MGAM2: variants seen among roughly 807,000 people sequenced by gnomAD.
MGAM2 encodes maltase-glucoamylase 2 (putative).
In MGAM2, 98 loss-of-function variants were observed where a neutral mutation model predicts 96.1. That is an observed-to-expected ratio of 1.02 (90% CI 0.87 to 1.21). The LOEUF is 1.21. Ranked by LOEUF, MGAM2 falls within the 50% of genes most tolerant of loss-of-function variation. The pLI is 0.00. For missense variants in MGAM2, 2,055 were observed against 1,182.4 expected, an observed-to-expected ratio of 1.74 and a Z score of -10.82; for synonymous variants, 749 against 414.8, an observed-to-expected ratio of 1.81 and a Z score of -9.79.
intron 3 of MGAM2, among the ~76,000 whole-genome samples, chr7:142,122,403 C>T (rs761016096): frequency 2.0e-5 from 3 of 152,202 alleles, no homozygotes; most frequent in Non-Finnish European, 4.4e-5. Context: ...TTCTTTGGCA[C>T]ACATTTGTTG....
chr7:142,120,580 G>A (rs916971719), intron 3 of MGAM2, among the ~76,000 whole-genome samples, 199 bp downstream of exon 3: 17 of 152,140 alleles, frequency 1.1e-4, no homozygotes, highest in Non-Finnish European at 2.5e-4. Context: ...AGTAGGAAAA[G>A]CTAACAAGAA....
chr7:142,162,003 C>T lies in MGAM2; in HGVS notation c.2483C>T (p.Ser828Phe). ...KYILYDFSVT[S>F]NHLQAKIINN... Reference sequence around the variant, plus strand: ...ATTCTATATGATTTCTCTGTTACCTCTGTAAGTATTTTGTTTGAGGAACAC... The same window carrying T: ...ATTCTATATGATTTCTCTGTTACCTTTGTAAGTATTTTGTTTGAGGAACAC... Residue 828 changes from serine to phenylalanine, a missense_variant and splice_region_variant, in exon 23 of 48, where the codon TCT becomes TTT. Transcript: ENST00000477922. 1.4e-6 allele frequency: 1 copy of T among 690,464 alleles called. No individual in the cohort carries two copies. The highest frequency in any genetic ancestry group is 2.6e-6 in the Non-Finnish European group (1 of 380,556). 42.8% of individuals were successfully genotyped at this position (690,464 alleles called of 1,614,324 possible).
chr7:142,217,867 C>T (rs748531256), intron 46 of MGAM2, among the ~76,000 whole-genome samples: 1 of 152,128 alleles, frequency 6.6e-6, no homozygotes, highest in Non-Finnish European at 1.5e-5. Context: ...AGGAGGATCA[C>T]GTGGTCAGGG....
chr7:142,119,495 T>C (rs1037731839), intron 2 of MGAM2, among the ~76,000 whole-genome samples: 15 of 152,290 alleles, frequency 9.8e-5, no homozygotes, highest in African/African-American at 3.6e-4. Context: ...ACTTTGCCAG[T>C]TCCTCGAAAA....
intron 46 of MGAM2, among the ~76,000 whole-genome samples, chr7:142,213,601 C>A (rs1384051312): frequency 6.6e-6 from 1 of 152,148 alleles, no homozygotes; most frequent in Non-Finnish European, 1.5e-5. Context: ...TGGACACATA[C>A]ACCCTCTGAA....
intron 10 of MGAM2, among the ~76,000 whole-genome samples, chr7:142,139,595 G>C (rs988935017): frequency 6.6e-6 from 1 of 151,240 alleles, no homozygotes; most frequent in Non-Finnish European, 1.5e-5. Flanking sequence ...TGGAGGCAGA[G>C]GTTGTAGTGA....
chr7:142,158,130 T>C, intron 18 of MGAM2, 39 bp downstream of exon 18: 1 of 700,132 alleles, frequency 1.4e-6, no homozygotes, highest in Non-Finnish European at 2.6e-6. Context: ...TTTCTGATTG[T>C]AGTTTCACTT....
Position 142,136,528 on chromosome 7 carries a change from G to A in MGAM2, c.748-13G>A. The A allele has an allele frequency of 1.5e-6, 1 of 665,982 alleles. No homozygotes were observed. Among genetic ancestry groups the A allele is most frequent in the Non-Finnish European group, 2.7e-6 (1 of 370,530 alleles). The allele number at this position is 665,982 out of a possible 1,614,324, so 41.3% of individuals were successfully genotyped here. ...CACATAACACTATGACTTTTCTTCT[G>A]TTTTGCTGATAGGGCATGATTAATC... is the stretch of plus-strand genomic sequence containing the variant. On this transcript the variant is annotated splice_polypyrimidine_tract_variant and intron_variant, in intron 7 of 47. Coordinates refer to ENST00000477922, the MANE Select transcript of MGAM2 (RefSeq NM_001293626.2).
At chr7:142,138,927 C>A (rs943330963) in intron 10 of MGAM2, among the ~76,000 whole-genome samples, 1 of 152,208 alleles carries the variant, frequency 6.6e-6, no homozygotes, top group African/African-American at 2.4e-5. Flanking sequence ...ATTAACATCT[C>A]TGAGCCTTAG....
At position 142,144,845 on chromosome 7, in the gene MGAM2, T is replaced by C. The variant is rs1240158630; in HGVS notation, c.1432-16T>C. On this transcript the variant is annotated splice_polypyrimidine_tract_variant and intron_variant, in intron 13 of 47. Coordinates refer to ENST00000477922, the MANE Select transcript of MGAM2 (RefSeq NM_001293626.2). The stretch of plus-strand genomic sequence containing the variant: ...TCAATCGCATTTTACACTTTGTGTG[T>C]TTTGTGTCTTTGAAGGAAATGAATG... 7.2e-6 allele frequency: 5 copies of C among 697,730 alleles called. No homozygotes were observed. Among genetic ancestry groups the C allele is most frequent in the East Asian group, 5.4e-5 (2 of 36,776 alleles). 43.2% of individuals were successfully genotyped at this position (697,730 alleles called of 1,614,324 possible). A position where few individuals can be genotyped will look rare whatever the true frequency, so the allele number is the denominator to read the frequency against.
intron 10 of MGAM2, among the ~76,000 whole-genome samples, chr7:142,139,388 G>A (rs989296525): frequency 4.6e-5 from 7 of 152,114 alleles, no homozygotes; most frequent in African/African-American, 1.4e-4. Flanking sequence ...GGCCCAGTGC[G>A]GTGGCTCATG....
chr7:142,165,770 G>T (rs1006300371), intron 24 of MGAM2, among the ~76,000 whole-genome samples: 1 of 152,146 alleles, frequency 6.6e-6, no homozygotes, highest in Admixed American at 6.5e-5. Flanking sequence ...TTGTATGAAT[G>T]CTCCATAAAC....
chr7:142,203,308 T>C (rs1252136896), intron 45 of MGAM2, among the ~76,000 whole-genome samples: 3 of 152,198 alleles, frequency 2.0e-5, no homozygotes, highest in African/African-American at 7.2e-5. Flanking sequence ...TTTTTGTTTT[T>C]GTTGTAATTG....
rs34204853 is a variant in MGAM2, at chr7:142,171,605, CAT to C, written c.3351+214_3351+215del. ...GTCACATTCTTTTGTCCCTAAAAGGCATATATATATATATATATATATATATA... is the reference window on the plus strand; with the variant it reads ...GTCACATTCTTTTGTCCCTAAAAGGCATATATATATATATATATATATATA... On this transcript the variant is annotated intron_variant, in intron 28 of 47. Coordinates refer to ENST00000477922, the MANE Select transcript of MGAM2 (RefSeq NM_001293626.2). 5.9e-3 allele frequency among the ~76,000 whole-genome samples: 381 copies of C among 64,488 alleles called. 5 individuals carry two copies. The highest frequency in any genetic ancestry group is 8.0e-3 in the Non-Finnish European group (227 of 28,252). 42.3% of individuals were successfully genotyped at this position (64,488 alleles called of 152,430 possible).
intron 36 of MGAM2, among the ~76,000 whole-genome samples, chr7:142,188,107 TAAACACAC>T (rs1350728745): frequency 1.8e-5 from 1 of 55,816 alleles, no homozygotes; most frequent in African/African-American, 8.5e-5. Context: ...AATAAACCCT[TAAACACAC>T]ACACACACAC....
chr7:142,186,129 T>C lies in MGAM2; in HGVS notation c.4122+6T>C. On this transcript the variant is annotated splice_donor_region_variant and intron_variant, in intron 35 of 47. Coordinates refer to ENST00000477922, the MANE Select transcript of MGAM2 (RefSeq NM_001293626.2). Reference sequence around the variant, plus strand: ...AGTTTGATGGATTGTGGATTGTAAGTGCACCCTTGGTTGTCTTTTTTTTTT... The same window carrying C: ...AGTTTGATGGATTGTGGATTGTAAGCGCACCCTTGGTTGTCTTTTTTTTTT... The C allele has an allele frequency of 1.4e-6, 1 of 692,608 alleles. No homozygotes were observed. The highest frequency in any genetic ancestry group is 1.5e-5 in the South Asian group (1 of 64,948). 42.9% of individuals were successfully genotyped at this position (692,608 alleles called of 1,614,324 possible).
intron 12 of MGAM2, 77 bp downstream of exon 12, chr7:142,141,196 G>A: frequency 1.5e-6 from 1 of 660,742 alleles, no homozygotes; most frequent in Non-Finnish European, 2.7e-6. Flanking sequence ...TGAGTGAAAG[G>A]CAAGTTACAA....
rs551559172 is a variant in MGAM2 at position 142,209,887 on chromosome 7, A to C, written c.5187+1265A>C. 9.8e-5 allele frequency among the ~76,000 whole-genome samples: 15 copies of C among 152,342 alleles called. No homozygotes were observed. The East Asian group carries it at 2.9e-3, about 29-fold the overall frequency. ...TGAAATATTCAAAAGTTAGCTTAAA[A>C]AATTCAAAAATGATTTGTGGGCTTC... On this transcript the variant is annotated intron_variant, in intron 46 of 47. Transcript: ENST00000477922.
chr7:142,164,820 C>A (rs1199317203), intron 23 of MGAM2, 36 bp from the exon 24 acceptor site: 1 of 658,778 alleles, frequency 1.5e-6, no homozygotes, highest in Admixed American at 2.3e-5. Context: ...GTCTGAAGTA[C>A]CTGGTTTCCA....
Sources: gnomAD v4.1 joint callset for allele counts (sites outside exome capture counted in the v4.1 genomes callset) on GRCh38, gnomAD v4.1.1 for gene constraint, MANE v1.5 for transcripts, NCBI Gene and HGNC (gene_info 2026-07-23, HGNC 2026-07-21) for gene names.